Variants in C2orf80 observed in about 807,000 individuals in gnomAD.
The protein encoded by C2orf80 is chromosome 2 open reading frame 80.
Under a neutral mutation model 30.2 loss-of-function variants are expected in C2orf80, and 28 were observed. The observed-to-expected ratio is 0.93, with a 90% CI of 0.69 to 1.27. C2orf80 has a LOEUF of 1.27. Ranked by LOEUF, C2orf80 falls within the 50% of genes most tolerant of loss-of-function variation. The pLI is 0.00. For missense variants in C2orf80, 220 were observed against 231.0 expected (o/e 0.95, Z 0.31); for synonymous variants, 80 against 76.4 (o/e 1.05, Z -0.24).
chr2:208,185,279 T>A (rs911308373), intron 2 of C2orf80, among the ~76,000 whole-genome samples: 5 of 152,166 alleles, frequency 3.3e-5, no homozygotes, highest in African/African-American at 1.2e-4. Flanking sequence ...TGGAACAGAA[T>A]TTACAGGAAA....
chr2:208,167,664 C>T (rs756232692), intron 8 of C2orf80, among the ~76,000 whole-genome samples: 1 of 152,038 alleles, frequency 6.6e-6, no homozygotes, highest in Non-Finnish European at 1.5e-5. Flanking sequence ...ACAACCTCTG[C>T]CTCCTGGGTT....
intron 6 of C2orf80, among the ~76,000 whole-genome samples, chr2:208,176,599 T>C (rs1033265098): frequency 9.9e-5 from 15 of 152,192 alleles, no homozygotes; most frequent in African/African-American, 3.6e-4. Flanking sequence ...AGCAGAACTT[T>C]AATTAAAGCT....
chr2:208,175,992 A>C (rs1298894673), intron 6 of C2orf80, among the ~76,000 whole-genome samples: 1 of 152,136 alleles, frequency 6.6e-6, no homozygotes, highest in Admixed American at 6.5e-5. Context: ...TCAGGCTCTT[A>C]GACTCTTGTA....
chr2:208,172,778 T>C (rs1481729155), intron 6 of C2orf80, among the ~76,000 whole-genome samples: 7 of 152,188 alleles, frequency 4.6e-5, no homozygotes, highest in Non-Finnish European at 8.8e-5. Context: ...CCTAGGCATA[T>C]ACCATACAGA....
chr2:208,184,030 G>C (rs1368359940), intron 3 of C2orf80, among the ~76,000 whole-genome samples: 2 of 152,200 alleles, frequency 1.3e-5, no homozygotes, highest in Non-Finnish European at 2.9e-5. Flanking sequence ...TTCTTCCAGG[G>C]ACTGAACCAA....
chr2:208,166,410 G>T (rs916930895), intron 8 of C2orf80, among the ~76,000 whole-genome samples: 1 of 152,146 alleles, frequency 6.6e-6, no homozygotes, highest in Non-Finnish European at 1.5e-5. Flanking sequence ...CTCTAAGTTT[G>T]AAATTATTTT....
chr2:208,175,757 CTA>C (rs1430777206), intron 6 of C2orf80, among the ~76,000 whole-genome samples: 2 of 151,114 alleles, frequency 1.3e-5, no homozygotes, highest in Admixed American at 6.6e-5. Flanking sequence ...TTAAAAAACT[CTA>C]GTTAAAACCA....
intron 6 of C2orf80, among the ~76,000 whole-genome samples, chr2:208,176,997 A>G (rs1002158339): frequency 2.8e-5 from 1 of 35,124 alleles, no homozygotes; most frequent in African/African-American, 1.0e-4. Context: ...ATATGTATAC[A>G]TATATACATA....
At chr2:208,166,346 G>A (rs997372588) in intron 8 of C2orf80, among the ~76,000 whole-genome samples, 7 of 152,082 alleles carry the variant, frequency 4.6e-5, no homozygotes, top group East Asian at 1.9e-4. Context: ...TTAACCATTC[G>A]TGACTGTATA....
chr2:208,176,686 A>G (rs2105900642), intron 6 of C2orf80, among the ~76,000 whole-genome samples: 1 of 151,992 alleles, frequency 6.6e-6, no homozygotes, highest in East Asian at 1.9e-4. Flanking sequence ...CGACAACCCC[A>G]TCTTTGCGTC....
At chr2:208,167,258 T>G (rs1695925194) in intron 8 of C2orf80, among the ~76,000 whole-genome samples, 1 of 151,852 alleles carries the variant, frequency 6.6e-6, no homozygotes, top group Non-Finnish European at 1.5e-5. Flanking sequence ...GCGCGGTGGC[T>G]CATGCCTGTA....
intron 2 of C2orf80, among the ~76,000 whole-genome samples, chr2:208,185,400 T>C (rs758738839): frequency 7.9e-5 from 12 of 152,232 alleles, no homozygotes; most frequent in Admixed American, 1.3e-4. Flanking sequence ...TCAAGCAGCA[T>C]GTCCAAAGTT....
intron 4 of C2orf80, 104 bp from the exon 5 acceptor site, chr2:208,181,409 CTATCTGCTTATT>C: frequency 1.5e-6 from 1 of 665,458 alleles, no homozygotes; most frequent in Non-Finnish European, 2.7e-6. Flanking sequence ...TGGCTGTGTG[CTATCTGCTTATT>C]TATATTAATA....
intron 2 of C2orf80, 64 bp from the exon 3 acceptor site, chr2:208,185,096 C>CTTT: frequency 9.1e-7 from 1 of 1,100,394 alleles, no homozygotes; most frequent in Non-Finnish European, 1.3e-6. Flanking sequence ...CAGAAAAAGG[C>CTTT]TTTTTTTTTT....
chr2:208,170,281 A>T (rs1036034908), intron 8 of C2orf80, among the ~76,000 whole-genome samples: 5 of 152,158 alleles, frequency 3.3e-5, no homozygotes, highest in African/African-American at 1.2e-4. Flanking sequence ...TGATCAGAGA[A>T]GTCTCTCTGA....
At chr2:208,179,251 C>T (rs10189944) in intron 6 of C2orf80, among the ~76,000 whole-genome samples, 7,167 of 152,292 alleles carry the variant, frequency 0.047, 554 homozygotes, top group African/African-American at 0.16. Flanking sequence ...CTCAGGACTA[C>T]AGTCAGGTTA....
intron 8 of C2orf80, among the ~76,000 whole-genome samples, chr2:208,170,444 AC>A (rs1419507676): frequency 6.6e-6 from 1 of 152,166 alleles, no homozygotes; most frequent in African/African-American, 2.4e-5. Flanking sequence ...AATCAGATGG[AC>A]AGGGGAGGAG....
intron 6 of C2orf80, among the ~76,000 whole-genome samples, chr2:208,176,952 T>TGTATA (rs1559340543): frequency 0.011 from 422 of 40,170 alleles, 39 homozygotes; most frequent in African/African-American, 0.03. Flanking sequence ...TGTATACATA[T>TGTATA]CTGTATACAT....
At chr2:208,180,119 A>G (rs1426195402) in intron 6 of C2orf80, among the ~76,000 whole-genome samples, 2 of 152,164 alleles carry the variant, frequency 1.3e-5, no homozygotes, top group Admixed American at 1.3e-4. Flanking sequence ...TACCAGATCT[A>G]CATTACAAAA....
Sources: gnomAD v4.1 joint callset for allele counts (sites outside exome capture counted in the v4.1 genomes callset) on GRCh38, gnomAD v4.1.1 for gene constraint, MANE v1.5 for transcripts, NCBI Gene and HGNC (gene_info 2026-07-23, HGNC 2026-07-21) for gene names.